FAM161B: variants seen among roughly 807,000 people sequenced by gnomAD.
FAM161B encodes the protein protein FAM161B.
Under a neutral mutation model 61.5 loss-of-function variants are expected in FAM161B, and 46 were observed. That is an observed-to-expected ratio of 0.75 (90% confidence interval 0.59 to 0.96). The LOEUF (loss-of-function observed/expected upper bound fraction) is 0.96, where lower values mean the gene tolerates loss of function less well. FAM161B is among the 40% of genes least tolerant of loss of function. The pLI is 0.00. For missense variants in FAM161B, 774 were observed against 800.7 expected (o/e 0.97, Z 0.40); for synonymous variants, 284 against 302.7 (o/e 0.94, Z 0.64).
chr14:73,932,028 C>G (rs774900380), downstream of FAM161B: 2 of 456,444 alleles, frequency 4.4e-6, no homozygotes, highest in Non-Finnish European at 8.8e-6. Flanking sequence ...GTTACATTCT[C>G]CCTTTAGCAA....
chr14:73,940,427 C>G (rs1488827436), intron 5 of FAM161B, among the ~76,000 whole-genome samples: 1 of 152,194 alleles, frequency 6.6e-6, no homozygotes, highest in East Asian at 1.9e-4. Context: ...CTCCCTTCCT[C>G]TCACCCATGG....
rs774255641 is a variant in FAM161B, at chr14:73,937,915, A to G, written c.1565+33T>C. ...CCAGTGGTCTGTTGGATCCCAAGGC[A>G]AGCACCCCTTTTGACACATAGAGGA... is the stretch of plus-strand genomic sequence containing the variant. On this transcript the variant is annotated intron_variant, in intron 6 of 8. Transcript: ENST00000286544. 6 of 1,612,046 alleles carry G rather than the reference A, an allele frequency of 3.7e-6. No homozygotes were observed. The East Asian group carries it at 1.3e-4, about 36-fold the overall frequency.
In FAM161B at chr14:73,932,857, C is replaced by T. The variant is rs1406242697; in HGVS notation, c.*1399G>A. The T allele has an allele frequency of 6.0e-6, 1 of 166,898 alleles. No individual in the cohort carries two copies. The highest frequency in any genetic ancestry group is 1.3e-5 in the Non-Finnish European group (1 of 77,136). 10.3% of individuals were successfully genotyped at this position (166,898 alleles called of 1,614,324 possible). On this transcript the variant is annotated 3_prime_UTR_variant, in exon 9 of 9. Coordinates refer to ENST00000286544, the MANE Select transcript of FAM161B (RefSeq NM_152445.3). ...CAGGCTGGTCTTGAACGCCTGGCTT[C>T]AAGCGATCCTCCTGCCTTGGCCCCT...
chr14:73,946,284 A>AC lies in FAM161B; in HGVS notation c.374+1dup. ...GGCAGCCGTGGAGCTGCAGTGCCTT[A>AC]CCTCAGAGCCTGCGGGCACTGGACC... On this transcript the variant is annotated splice_donor_variant, in intron 2 of 8. Transcript: ENST00000286544. LOFTEE classifies it high-confidence loss of function. 2 of 1,610,690 alleles carry AC rather than the reference A, an allele frequency of 1.2e-6. No homozygotes were observed. The highest frequency in any genetic ancestry group is 1.7e-6 in the Non-Finnish European group (2 of 1,177,712).
chr14:73,926,916 C>A (rs1278450095), downstream of FAM161B, among the ~76,000 whole-genome samples: 2 of 152,138 alleles, frequency 1.3e-5, no homozygotes, highest in South Asian at 2.1e-4. Context: ...GGTGCTCTTG[C>A]TTCCTATTAC....
Position 73,946,446 on chromosome 14 carries a change from G to GT in FAM161B, c.213dup (p.Gln72ThrfsTer19), listed in dbSNP as rs2056067799. 3 of 1,614,038 alleles carry GT rather than the reference G, an allele frequency of 1.9e-6. No individual in the cohort carries two copies. The highest frequency in any genetic ancestry group is 2.5e-6 in the Non-Finnish European group (3 of 1,180,046). On this transcript the variant is annotated frameshift_variant, in exon 2 of 9. Coordinates refer to ENST00000286544, the MANE Select transcript of FAM161B (RefSeq NM_152445.3). LOFTEE classifies it high-confidence loss of function. Reference sequence around the variant, plus strand: ...CATCTCCCTTTCTGCTTCAGTTCCTGTAAGTTCTGGTAAATGCTCCCAGTT... The same window carrying GT: ...CATCTCCCTTTCTGCTTCAGTTCCTGTTAAGTTCTGGTAAATGCTCCCAGTT...
downstream of FAM161B, chr14:73,932,096 C>T: frequency 2.2e-6 from 1 of 451,542 alleles, no homozygotes; most frequent in Non-Finnish European, 4.5e-6. Flanking sequence ...TTGAATCTCC[C>T]CTTGGCCCAG....
rs370314246 is a variant in FAM161B at position 73,944,699 on chromosome 14, C to T, written c.561G>A (p.Glu187=). 11 of 1,607,106 alleles carry T rather than the reference C, an allele frequency of 6.8e-6. No homozygotes were observed. Among genetic ancestry groups the T allele is most frequent in the African/African-American group, 1.3e-5 (1 of 74,810 alleles). Residue 187 remains glutamate, a synonymous_variant, in exon 3 of 9, where the codon GAG becomes GAA. Transcript: ENST00000286544. ...MTLREARKKA[E]WLGSPASFEQ... Reference sequence around the variant, plus strand: ...CAAAGGAGGCAGGTGAGCCCAGCCACTCGGCCTTCTTCCGGGCCTCGCGCA... The same window carrying T: ...CAAAGGAGGCAGGTGAGCCCAGCCATTCGGCCTTCTTCCGGGCCTCGCGCA...
chr14:73,931,394 AC>A, downstream of FAM161B: 1 of 894,644 alleles, frequency 1.1e-6, no homozygotes, highest in Non-Finnish European at 1.7e-6. Flanking sequence ...GCCTTCATTC[AC>A]CCCTGTAGTG....
chr14:73,926,139 A>G, the FAM161B span, among the ~76,000 whole-genome samples: 3 of 152,192 alleles, frequency 2.0e-5, no homozygotes, highest in Non-Finnish European at 4.4e-5. Flanking sequence ...AATTGTAGGC[A>G]TGTCATTTCT....
In FAM161B at chr14:73,946,423, T is replaced by C. The variant is rs1209835184; in HGVS notation, c.237A>G (p.Arg79=). ...GAAAGAGAGACTCCAACAGACACCA[T>C]CTCCCTTTCTGCTTCAGTTCCTGTA... ...QNLQELKQKG[R]WCLLESLFQS... is the part of the protein sequence containing the mutation. The change falls in exon 2 of 9, where the codon AGA becomes AGG. Residue 79 remains arginine (R), a synonymous_variant. Coordinates refer to ENST00000286544, the MANE Select transcript of FAM161B (RefSeq NM_152445.3). 4 of 1,614,122 alleles carry C rather than the reference T, an allele frequency of 2.5e-6. No homozygotes were observed. In the South Asian group the frequency reaches 3.3e-5, roughly 13 times the overall value.
In FAM161B at chr14:73,950,052, C is replaced by T. The variant is rs1225755443; in HGVS notation, c.-26G>A. 6 of 1,610,688 alleles carry T rather than the reference C, an allele frequency of 3.7e-6. No homozygotes were observed. The highest frequency in any genetic ancestry group is 5.1e-6 in the Non-Finnish European group (6 of 1,179,980). On this transcript the variant is annotated 5_prime_UTR_variant, in exon 1 of 9. Transcript: ENST00000286544. ...TTCAGCTGGACAGAGGCAGCAGCGA[C>T]AGTGACAGCGATAGTGGCAGCAGCG...
chr14:73,948,901 A>AC (rs1239867554), intron 1 of FAM161B, among the ~76,000 whole-genome samples: 2 of 149,126 alleles, frequency 1.3e-5, no homozygotes, highest in Non-Finnish European at 3.0e-5. Flanking sequence ...CACTGGAGGC[A>AC]CGCGCCACCA....
downstream of FAM161B, chr14:73,931,351 A>G: frequency 1.7e-6 from 1 of 594,704 alleles, no homozygotes; most frequent in Non-Finnish European, 3.0e-6. Flanking sequence ...GACATCTATC[A>G]GTCCGTGCAT....
the FAM161B span, among the ~76,000 whole-genome samples, chr14:73,923,728 C>T: frequency 6.6e-6 from 1 of 152,172 alleles, no homozygotes; most frequent in Non-Finnish European, 1.5e-5. Context: ...ACAGCTGGGA[C>T]TCCCGGCTTT....
intron 5 of FAM161B, among the ~76,000 whole-genome samples, chr14:73,938,502 G>A (rs1234371112): frequency 1.3e-5 from 2 of 151,290 alleles, no homozygotes; most frequent in African/African-American, 2.4e-5. Flanking sequence ...GCCGGGCATG[G>A]TGGCTCATGC....
chr14:73,928,486 A>G (rs549358877), downstream of FAM161B, among the ~76,000 whole-genome samples: 1 of 152,324 alleles, frequency 6.6e-6, no homozygotes, highest in African/African-American at 2.4e-5. Flanking sequence ...CATGGTTTGA[A>G]GTAGGGTATG....
chr14:73,937,637 G>A lies in FAM161B; in HGVS notation c.1630C>T (p.Gln544Ter). 6.2e-7 allele frequency: 1 copy of A among 1,614,098 alleles called. No homozygotes were observed. The change falls in exon 7 of 9, where the codon CAA becomes TAA. Residue 544 changes from glutamine to a stop codon, truncating the protein, a stop_gained. Transcript: ENST00000286544. LOFTEE classifies it high-confidence loss of function. ...KELEEMKQRI[Q>*]TRPYLFEQVA... Reference sequence around the variant, plus strand: ...TGTTCAAAGAGATAGGGCCTTGTTTGTATTCGCTGCTTCATTTCCTCCAGT... The same window carrying A: ...TGTTCAAAGAGATAGGGCCTTGTTTATATTCGCTGCTTCATTTCCTCCAGT...
At chr14:73,945,890 C>T (rs1359978256) in intron 2 of FAM161B, among the ~76,000 whole-genome samples, 2 of 151,652 alleles carry the variant, frequency 1.3e-5, no homozygotes, top group East Asian at 1.9e-4. Context: ...TACGGGCACA[C>T]GCCACCATGA....
Sources: allele counts gnomAD v4.1 joint callset (sites outside exome capture counted in the v4.1 genomes callset), GRCh38; gene constraint gnomAD v4.1.1; transcripts MANE v1.5; gene names NCBI Gene and HGNC (gene_info 2026-07-23, HGNC 2026-07-21).